ZBTB17: variants seen among roughly 807,000 people sequenced by gnomAD.
ZBTB17 encodes zinc finger and BTB domain containing 17.
In ZBTB17, 24 loss-of-function variants were observed where a neutral mutation model predicts 85.1. The observed-to-expected ratio is 0.28, with a 90% confidence interval of 0.20 to 0.40. ZBTB17 has a LOEUF of 0.40. Among genes scored for constraint, ZBTB17 ranks in the 10% least tolerant of loss-of-function variants. ZBTB17 has a pLI of 1.00. For synonymous variants in ZBTB17, 464 were observed against 460.2 expected, an observed-to-expected ratio of 1.01 and a Z score of -0.11; for missense variants, 743 against 1,105.1, an observed-to-expected ratio of 0.67 and a Z score of 4.65.
intron 13 of ZBTB17, 79 bp from the exon 14 acceptor site, chr1:15,942,817 G>T: frequency 1.3e-6 from 2 of 1,529,608 alleles, no homozygotes; most frequent in South Asian, 2.4e-5. Context: ...TGACTCGTTT[G>T]CCCAGCAACC....
chr1:15,943,926 C>G (rs1378705539), intron 9 of ZBTB17, 31 bp from the exon 10 acceptor site: 1 of 1,563,116 alleles, frequency 6.4e-7, no homozygotes, highest in Admixed American at 1.9e-5. Context: ...GGGGGGCCAC[C>G]CCACAGAGCT....
Position 15,945,128 on chromosome 1 carries a change from C to G in ZBTB17, c.736G>C (p.Gly246Arg). The change falls in exon 7 of 16, where the codon GGG becomes CGG. Residue 246 changes from glycine (G) to arginine (R), a missense_variant. Physicochemically the swap from Gly to Arg is moderately radical, Grantham distance 125. Around this residue, in one of 4 missense-constraint regions of ZBTB17, gnomAD observed 279 missense variants for 269.9 expected, o/e 1.03. Coordinates refer to ENST00000375743, the MANE Select transcript of ZBTB17 (RefSeq NM_003443.3). ...EQEEQEEEGA[G>R]PAEVKEEGSQ... ...CCCTCCTCCTTGACCTCAGCTGGCC[C>G]TGCGCCCTCCTCCTCTTGCTCCTCT... The G allele has an allele frequency of 6.2e-7, 1 of 1,602,648 alleles. No homozygotes were observed. Among genetic ancestry groups the G allele is most frequent in the Non-Finnish European group, 8.5e-7 (1 of 1,174,728 alleles).
At position 15,948,328 on chromosome 1, in the gene ZBTB17, C is replaced by T; in HGVS notation, c.168G>A (p.Gln56=). The change falls in exon 3 of 16, where the codon CAG becomes CAA. Residue 56 remains glutamine (Q), a synonymous_variant. Transcript: ENST00000375743. ...TGATGTCCAGGTGCACCACGTCCTT[C>T]TGGTCCACGAAGAGCATCTTGAAGT... The part of the protein sequence containing the change: ...SEYFKMLFVD[Q]KDVVHLDISN... The T allele has an allele frequency of 6.2e-7, 1 of 1,613,966 alleles. No homozygotes were observed. Among genetic ancestry groups the T allele is most frequent in the East Asian group, 2.2e-5 (1 of 44,894 alleles).
chr1:15,942,467 CCAT>C, intron 14 of ZBTB17, 47 bp from the exon 15 acceptor site: 2 of 1,611,146 alleles, frequency 1.2e-6, no homozygotes, highest in Non-Finnish European at 8.5e-7. Flanking sequence ...GGGCACTGCC[CCAT>C]CATCGCCACC....
chr1:15,963,964 G>T (rs2072349311), intron 2 of ZBTB17, among the ~76,000 whole-genome samples: 1 of 151,434 alleles, frequency 6.6e-6, no homozygotes, highest in South Asian at 2.1e-4. Flanking sequence ...AAAGTAAAAA[G>T]TAAAAATTAG....
chr1:15,965,091 G>T (rs1163845972), intron 2 of ZBTB17, among the ~76,000 whole-genome samples: 1 of 149,788 alleles, frequency 6.7e-6, no homozygotes, highest in Non-Finnish European at 1.5e-5. Context: ...TCCAGCCGGG[G>T]CAACAGAGTG....
intron 13 of ZBTB17, 61 bp downstream of exon 13, chr1:15,943,003 C>T (rs970244192): frequency 8.7e-6 from 14 of 1,601,528 alleles, no homozygotes; most frequent in Non-Finnish European, 1.2e-5. Flanking sequence ...TTCCTTCCCC[C>T]TGCTCCCCAC....
Position 15,944,804 on chromosome 1 carries a change from G to T in ZBTB17, c.963C>A (p.Phe321Leu). ...CCGTGTGGATGCGGATGTGCCGCTT[G>T]AAGTTCCCCGTGTGCGTGAACTCCT... ...CGKEFTHTGN[F>L]KRHIRIHTGE... is the part of the protein sequence containing the mutation. The change falls in exon 8 of 16, where the codon TTC becomes TTA. Residue 321 changes from phenylalanine to leucine, a missense_variant. Phe to Leu is a conservative substitution (Grantham distance 22). Around this residue, in one of 4 missense-constraint regions of ZBTB17, gnomAD observed 321 missense variants for 615.7 expected, o/e 0.52. Coordinates refer to ENST00000375743, the MANE Select transcript of ZBTB17 (RefSeq NM_003443.3). The T allele has an allele frequency of 6.2e-7, 1 of 1,610,154 alleles. No individual in the cohort carries two copies. Among genetic ancestry groups the T allele is most frequent in the Non-Finnish European group, 8.5e-7 (1 of 1,178,566 alleles).
At position 15,964,354 on chromosome 1, in the gene ZBTB17, A is replaced by G. The variant is rs903796136; in HGVS notation, c.-3+8685T>C. Among the ~76,000 whole-genome samples, 3 of 152,266 alleles carry G rather than the reference A, an allele frequency of 2.0e-5. No individual in the cohort carries two copies. Among genetic ancestry groups the G allele is most frequent in the Non-Finnish European group, 4.4e-5 (3 of 68,048 alleles). On this transcript the variant is annotated intron_variant, in intron 2 of 15. Transcript: ENST00000375743. The surrounding 1 kb of genome is among the most constrained non-coding windows in gnomAD (Gnocchi z 4.3). ...ATGTCAGCTCTACCCAAATTTATAT[A>G]TTATAAACTCAATGCAAATTCTAAT...
Position 15,966,942 on chromosome 1 carries a change from C to CAA in ZBTB17, c.-3+6095_-3+6096dup, listed in dbSNP as rs371769017. ...ATTAATTAATTAATTAATTAAAAAACAAAAAAAAAAGCCGTGGCCAGCAAA... is the reference window on the plus strand; with the variant it reads ...ATTAATTAATTAATTAATTAAAAAACAAAAAAAAAAAAGCCGTGGCCAGCAAA... On this transcript the variant is annotated intron_variant, in intron 2 of 15. Coordinates refer to ENST00000375743, the MANE Select transcript of ZBTB17 (RefSeq NM_003443.3). The surrounding 1 kb of genome is among the most constrained non-coding windows in gnomAD (Gnocchi z 4.1). Among the ~76,000 whole-genome samples the CAA allele has an allele frequency of 9.0e-5, 13 of 145,052 alleles. No homozygotes were observed. Among genetic ancestry groups the CAA allele is most frequent in the African/African-American group, 3.0e-4 (12 of 39,594 alleles).
intron 2 of ZBTB17, chr1:15,969,646 ATCTCAGGATG>A: frequency 2.2e-6 from 1 of 451,004 alleles, no homozygotes; most frequent in African/African-American, 2.0e-5. Context: ...ATTGACCATT[ATCTCAGGATG>A]TCTCTTTCTG....
chr1:15,971,243 G>GA (rs34763423), intron 2 of ZBTB17, among the ~76,000 whole-genome samples: 13 of 147,052 alleles, frequency 8.8e-5, no homozygotes, highest in Middle Eastern at 3.5e-3. Flanking sequence ...CTGTGTGTAT[G>GA]AAAAAAAAAA....
At chr1:15,956,929 C>T (rs975866045) in intron 2 of ZBTB17, among the ~76,000 whole-genome samples, 1 of 152,132 alleles carries the variant, frequency 6.6e-6, no homozygotes, top group East Asian at 1.9e-4. Context: ...GCCTGTAATC[C>T]CAGCACTTTG....
Position 15,964,926 on chromosome 1 carries a change from C to A in ZBTB17, c.-3+8113G>T, listed in dbSNP as rs1284817282. ...GTCAGGAGTTCAAGACCAGCCTGGC[C>A]AAGATGCTGAAACCCCGTCTACTAA... On this transcript the variant is annotated intron_variant, in intron 2 of 15. Coordinates refer to ENST00000375743, the MANE Select transcript of ZBTB17 (RefSeq NM_003443.3). This position sits in a 1 kb window ranked among gnomAD's most constrained non-coding sequence, Gnocchi z 4.3. 6.6e-6 allele frequency among the ~76,000 whole-genome samples: 1 copy of A among 151,870 alleles called. No homozygotes were observed. The highest frequency in any genetic ancestry group is 1.5e-5 in the Non-Finnish European group (1 of 67,962).
rs2071838170 is a variant in ZBTB17, at chr1:15,951,445, G to C, written c.-2-2948C>G. On this transcript the variant is annotated intron_variant, in intron 2 of 15. Transcript: ENST00000375743. The surrounding 1 kb of genome is among the most constrained non-coding windows in gnomAD (Gnocchi z 4.1). The stretch of plus-strand genomic sequence containing the variant: ...AAGAGCAGCTCGAGGGGGCCAGGAG[G>C]GGGCGGACTAAGTGCTAAATGGTGT... Among the ~76,000 whole-genome samples the C allele has an allele frequency of 6.6e-6, 1 of 152,164 alleles. No homozygotes were observed. The highest frequency in any genetic ancestry group is 2.1e-4 in the South Asian group (1 of 4,828).
At chr1:15,970,282 G>A (rs2072597906) in intron 2 of ZBTB17, 1 of 332,724 alleles carries the variant, frequency 3.0e-6, no homozygotes, top group Non-Finnish European at 5.5e-6. Flanking sequence ...CAGCCCTCAT[G>A]GGAAGATGCT....
rs1432756050 is a variant in ZBTB17 at position 15,952,816 on chromosome 1, C to T, written c.-2-4319G>A. 6.6e-6 allele frequency: 1 copy of T among 152,380 alleles called. No homozygotes were observed. 9.4% of individuals were successfully genotyped at this position (152,380 alleles called of 1,614,324 possible). On this transcript the variant is annotated intron_variant, in intron 2 of 15. Coordinates refer to ENST00000375743, the MANE Select transcript of ZBTB17 (RefSeq NM_003443.3). This position sits in a 1 kb window ranked among gnomAD's most constrained non-coding sequence, Gnocchi z 4.3. Reference sequence around the variant, plus strand: ...GACACACTTTCCTGGACCTCCCAGCCCAGCTGTGCGCTGCTGCACGCACGG... The same window carrying T: ...GACACACTTTCCTGGACCTCCCAGCTCAGCTGTGCGCTGCTGCACGCACGG...
At chr1:15,958,105 C>T (rs1243660309) in intron 2 of ZBTB17, among the ~76,000 whole-genome samples, 2 of 152,190 alleles carry the variant, frequency 1.3e-5, no homozygotes, top group African/African-American at 4.8e-5. Flanking sequence ...TTAGATTGCT[C>T]ACCTGTAAAA....
At position 15,944,985 on chromosome 1, in the gene ZBTB17, G is replaced by T; in HGVS notation, c.879C>A (p.Gly293=). 1 of 1,585,704 alleles carries T rather than the reference G, an allele frequency of 6.3e-7. No homozygotes were observed. Residue 293 remains glycine (G), a synonymous_variant, in exon 7 of 16, where the codon GGC becomes GGA. Transcript: ENST00000375743. Reference sequence around the variant, plus strand: ...CGTAGGCCTTGGACTCCGTGCGGTCGCCGTAGGTGCCTGAGCGCAGGCCCC... The same window carrying T: ...CGTAGGCCTTGGACTCCGTGCGGTCTCCGTAGGTGCCTGAGCGCAGGCCCC... ...EARGLRSGTY[G]DRTESKAYGS...
Sources: allele counts gnomAD v4.1 joint callset (sites outside exome capture counted in the v4.1 genomes callset), GRCh38; gene constraint gnomAD v4.1.1; regional missense constraint gnomAD v4.1.1; non-coding constraint Gnocchi (gnomAD v3.1); transcripts MANE v1.5; gene names NCBI Gene and HGNC (gene_info 2026-07-23, HGNC 2026-07-21).